The following PARD3B variants were observed in gnomAD, a reference collection of about 807,000 sequenced individuals.
PARD3B encodes the protein par-3 family cell polarity regulator beta, also known as partitioning defective 3 homolog B.
PARD3B carries 103 observed loss-of-function variants against 130.2 expected under a neutral mutation model. That is an observed-to-expected ratio of 0.79 (90% CI 0.67 to 0.93). PARD3B has a LOEUF of 0.93. Ranked by LOEUF, PARD3B falls within the 40% of genes least tolerant of loss-of-function variation. The probability of loss-of-function intolerance (pLI) is 0.00; values close to 1 mark genes in which losing one functional copy is unlikely to be tolerated. For missense variants in PARD3B, 1,609 were observed against 1,499.2 expected, an observed-to-expected ratio of 1.07 and a Z score of -1.21; for synonymous variants, 583 against 553.2, an observed-to-expected ratio of 1.05 and a Z score of -0.76.
chr2:204,995,054 T>C (rs1333640346), intron 3 of PARD3B, among the ~76,000 whole-genome samples: 1 of 151,644 alleles, frequency 6.6e-6, no homozygotes, highest in African/African-American at 2.4e-5. Flanking sequence ...TCTGTGTCTT[T>C]TAATTGGAGA....
intron 11 of PARD3B, among the ~76,000 whole-genome samples, chr2:205,163,048 G>C (rs1257535110): frequency 1.3e-5 from 2 of 152,214 alleles, no homozygotes; most frequent in East Asian, 3.9e-4. Flanking sequence ...TACATAACTA[G>C]AATAGTGCTT....
At chr2:205,115,418 G>T (rs1227860307) in intron 6 of PARD3B, among the ~76,000 whole-genome samples, 1 of 152,058 alleles carries the variant, frequency 6.6e-6, no homozygotes, top group Non-Finnish European at 1.5e-5. Flanking sequence ...TTAAAAATGT[G>T]AAAGTTCCTT....
At chr2:204,724,146 T>C (rs189548132) in intron 2 of PARD3B, among the ~76,000 whole-genome samples, 1 of 152,304 alleles carries the variant, frequency 6.6e-6, no homozygotes, top group African/African-American at 2.4e-5. Context: ...CTTTTCTTAA[T>C]ATTCTCTTGC....
intron 2 of PARD3B, among the ~76,000 whole-genome samples, chr2:204,698,568 A>G (rs996857700): frequency 3.9e-5 from 6 of 151,958 alleles, no homozygotes; most frequent in African/African-American, 1.4e-4. Context: ...TTCTGGAAGA[A>G]ATAATTAATG....
intron 16 of PARD3B, among the ~76,000 whole-genome samples, chr2:205,267,126 C>T (rs917845674): frequency 6.6e-6 from 1 of 152,104 alleles, no homozygotes; most frequent in Non-Finnish European, 1.5e-5. Flanking sequence ...GATTTATTTT[C>T]AAAGGGGAGA....
chr2:204,581,510 T>TA lies in PARD3B; in HGVS notation c.120+35392dup, dbSNP rs879395277. Among the ~76,000 whole-genome samples, 478 of 151,736 alleles carry TA rather than the reference T, an allele frequency of 3.2e-3. 5 individuals are homozygous for TA. The highest frequency in any genetic ancestry group is 0.011 in the African/African-American group (450 of 41,366). On this transcript the variant is annotated intron_variant, in intron 1 of 22. Coordinates refer to ENST00000406610, the MANE Select transcript of PARD3B (RefSeq NM_001302769.2). ...GGAGAAAGGAACAGTGTTGTGGGGG[T>TA]ATAAAAAGAATTCTGACAGAGAAGA... is the stretch of plus-strand genomic sequence containing the variant.
At chr2:205,567,259 T>A (rs16837436) in intron 22 of PARD3B, among the ~76,000 whole-genome samples, 3,126 of 147,372 alleles carry the variant, frequency 0.021, 49 homozygotes, top group Non-Finnish European at 0.032. Flanking sequence ...TGGGACAAAA[T>A]GTAAAGAATT....
rs990788986 is a variant in PARD3B, at chr2:205,520,446, T to C, written c.3180+20415T>C. 7.9e-5 allele frequency among the ~76,000 whole-genome samples: 12 copies of C among 152,182 alleles called. No individual in the cohort carries two copies. In the South Asian group the frequency reaches 1.7e-3, roughly 21 times the overall value. On this transcript the variant is annotated intron_variant, in intron 21 of 22. Transcript: ENST00000406610. ...TGCAGAGGCAGTGGCAGAGAGGCTT[T>C]CAGTTGCTCCTGGAGGCTCTCTGTC...
intron 1 of PARD3B, among the ~76,000 whole-genome samples, chr2:204,581,760 A>C (rs1232142048): frequency 6.6e-6 from 1 of 152,188 alleles, no homozygotes; most frequent in Non-Finnish European, 1.5e-5. Context: ...ATCTTGCTCA[A>C]GGTTACACAG....
intron 16 of PARD3B, among the ~76,000 whole-genome samples, chr2:205,289,775 A>C (rs900543768): frequency 3.3e-5 from 5 of 152,146 alleles, no homozygotes; most frequent in Non-Finnish European, 7.3e-5. Context: ...TGAGTTAGTA[A>C]TCATGAGAAT....
At position 205,473,705 on chromosome 2, in the gene PARD3B, T is replaced by TAC. The variant is rs1448955105; in HGVS notation, c.3045-26190_3045-26189insCA. On this transcript the variant is annotated intron_variant, in intron 20 of 22. Transcript: ENST00000406610. The surrounding 1 kb of genome is among the most constrained non-coding windows in gnomAD (Gnocchi z 4.9). ...GTATGTATATATATATATATATATA[T>TAC]ATATACACACACACGTATATAAAAC... is the stretch of plus-strand genomic sequence containing the variant. Among the ~76,000 whole-genome samples the TAC allele has an allele frequency of 8.0e-6, 1 of 125,030 alleles. No homozygotes were observed. The highest frequency in any genetic ancestry group is 7.5e-5 in the Admixed American group (1 of 13,302). 82.0% of individuals were successfully genotyped at this position (125,030 alleles called of 152,430 possible).
intron 19 of PARD3B, among the ~76,000 whole-genome samples, chr2:205,404,893 C>A (rs1279961824): frequency 6.6e-6 from 1 of 152,132 alleles, no homozygotes; most frequent in East Asian, 1.9e-4. Context: ...CCTCCTAAAT[C>A]ATATAATCCT....
intron 16 of PARD3B, among the ~76,000 whole-genome samples, chr2:205,246,071 C>T (rs1218096811): frequency 6.6e-6 from 1 of 152,070 alleles, no homozygotes; most frequent in African/African-American, 2.4e-5. Context: ...AACCAAAAAT[C>T]TTAAATCTGT....
chr2:205,519,536 G>A (rs1019300159), intron 21 of PARD3B, among the ~76,000 whole-genome samples: 7 of 152,042 alleles, frequency 4.6e-5, no homozygotes, highest in African/African-American at 1.5e-4. Context: ...ACTGAATCTC[G>A]ATGATCTTCA....
intron 1 of PARD3B, among the ~76,000 whole-genome samples, chr2:204,621,963 G>C (rs915837716): frequency 1.3e-5 from 2 of 152,146 alleles, no homozygotes; most frequent in African/African-American, 4.8e-5. Flanking sequence ...CTTTATCAGG[G>C]AGAACTGGTT....
At chr2:204,898,255 C>T (rs1346387009) in intron 2 of PARD3B, among the ~76,000 whole-genome samples, 2 of 151,526 alleles carry the variant, frequency 1.3e-5, no homozygotes, top group Non-Finnish European at 2.9e-5. Flanking sequence ...TACATATGTA[C>T]AAGGTAAATG....
intron 20 of PARD3B, among the ~76,000 whole-genome samples, chr2:205,451,971 C>T (rs909492301): frequency 6.6e-6 from 1 of 152,172 alleles, no homozygotes; most frequent in Non-Finnish European, 1.5e-5. Flanking sequence ...CCTTCCACCG[C>T]TCTGTCTAAA....
chr2:205,374,476 G>A (rs188328188), intron 18 of PARD3B, among the ~76,000 whole-genome samples: 5 of 152,054 alleles, frequency 3.3e-5, no homozygotes, highest in African/African-American at 7.2e-5. Flanking sequence ...CTCATGATCC[G>A]CCTGCCTCAG....
chr2:205,081,251 A>G (rs1701386739), intron 4 of PARD3B, among the ~76,000 whole-genome samples: 1 of 151,818 alleles, frequency 6.6e-6, no homozygotes, highest in East Asian at 1.9e-4. Context: ...TATTTTTGTC[A>G]TTTATTTTAA....
Sources: gnomAD v4.1 joint callset for allele counts (sites outside exome capture counted in the v4.1 genomes callset) on GRCh38, gnomAD v4.1.1 for gene constraint, Gnocchi (gnomAD v3.1) non-coding constraint, MANE v1.5 for transcripts, NCBI Gene and HGNC (gene_info 2026-07-23, HGNC 2026-07-21) for gene names.